The following TANC2 variants were observed in gnomAD, a reference collection of about 807,000 sequenced individuals.
TANC2 encodes the protein tetratricopeptide repeat, ankyrin repeat and coiled-coil containing 2.
In TANC2, 26 loss-of-function variants were observed where a neutral mutation model predicts 210.5. That is an observed-to-expected ratio of 0.12 (90% CI 0.09 to 0.17). The LOEUF is 0.17. TANC2 is among the 10% of genes least tolerant of loss of function. The pLI is 1.00. For synonymous variants in TANC2, 931 were observed against 967.1 expected (o/e 0.96, Z 0.69); for missense variants, 2,129 against 2,608.9 (o/e 0.82, Z 4.01).
At chr17:63,298,706 T>C (rs1028183201) in intron 9 of TANC2, among the ~76,000 whole-genome samples, 6 of 152,176 alleles carry the variant, frequency 3.9e-5, no homozygotes, top group African/African-American at 1.4e-4. Flanking sequence ...AAAAAACTTA[T>C]GTGAAGAATA....
At chr17:63,149,255 C>T (rs1023554300) in intron 4 of TANC2, 42 of 152,028 alleles carry the variant, frequency 2.8e-4, no homozygotes, top group African/African-American at 9.4e-4. Context: ...CCATATAGTC[C>T]ATACTCTCTT....
At chr17:63,237,686 C>T in intron 7 of TANC2, 128 bp from the exon 8 acceptor site, 4 of 920,050 alleles carry the variant, frequency 4.3e-6, no homozygotes, top group Non-Finnish European at 6.4e-6. Flanking sequence ...TATGGCAATC[C>T]AGTTTTTCTA....
chr17:63,411,724 A>G (rs1332948767), intron 22 of TANC2, 38 bp downstream of exon 22: 3 of 1,578,100 alleles, frequency 1.9e-6, no homozygotes, highest in African/African-American at 1.4e-5. Flanking sequence ...GAGCAGAGAG[A>G]GGGGCTATTC....
At chr17:63,351,218 A>G (rs974712013) in intron 12 of TANC2, 32 bp from the exon 13 acceptor site, 2 of 1,553,098 alleles carry the variant, frequency 1.3e-6, no homozygotes, top group African/African-American at 2.8e-5. Flanking sequence ...CCACTTGGTA[A>G]TTATTAAGTA....
intron 2 of TANC2, among the ~76,000 whole-genome samples, chr17:63,025,294 T>C (rs548700362): frequency 2.6e-5 from 4 of 152,278 alleles, no homozygotes; most frequent in African/African-American, 9.6e-5. Context: ...GATTCCCTAC[T>C]AGAGTGGCAC....
chr17:63,009,079 A>T (rs1385257767), intron 1 of TANC2, among the ~76,000 whole-genome samples: 1 of 152,092 alleles, frequency 6.6e-6, no homozygotes, highest in Non-Finnish European at 1.5e-5. Context: ...ACAGTTTTGT[A>T]CTATATATTT....
intron 2 of TANC2, among the ~76,000 whole-genome samples, chr17:63,010,185 CTT>C (rs2033802600): frequency 6.6e-6 from 1 of 151,912 alleles, no homozygotes; most frequent in Non-Finnish European, 1.5e-5. Flanking sequence ...GAGTGGTAGA[CTT>C]TTGTATTCTT....
intron 9 of TANC2, among the ~76,000 whole-genome samples, chr17:63,276,155 C>T (rs2043866922): frequency 6.6e-6 from 1 of 152,062 alleles, no homozygotes; most frequent in Non-Finnish European, 1.5e-5. Flanking sequence ...CCCAGATGCT[C>T]ATAAAATTAC....
chr17:62,996,999 T>TTTTTTTTTTTTTTTTTTTTTG (rs1241944607), intron 1 of TANC2, among the ~76,000 whole-genome samples: 2 of 144,236 alleles, frequency 1.4e-5, no homozygotes, highest in Admixed American at 6.9e-5. Flanking sequence ...ATTTTTAGTA[T>TTTTTTTTTTTTTTTTTTTTTG]AGATGGGGTT....
At chr17:63,051,195 A>G (rs1440015427) in intron 2 of TANC2, among the ~76,000 whole-genome samples, 1 of 152,214 alleles carries the variant, frequency 6.6e-6, no homozygotes, top group Non-Finnish European at 1.5e-5. Flanking sequence ...TATGCTTTTT[A>G]TGATTATGCC....
intron 7 of TANC2, among the ~76,000 whole-genome samples, chr17:63,220,509 C>T (rs112399010): frequency 0.025 from 3,712 of 151,276 alleles, 156 homozygotes; most frequent in African/African-American, 0.084. Context: ...CGAGACCAGC[C>T]TGGCCAGCAT....
intron 5 of TANC2, among the ~76,000 whole-genome samples, chr17:63,155,948 C>T (rs1057362904): frequency 2.0e-5 from 3 of 152,018 alleles, no homozygotes; most frequent in African/African-American, 7.2e-5. Flanking sequence ...CTGTCTTTTC[C>T]CAACTCCTGT....
Position 63,420,155 on chromosome 17 carries a change from G to A in TANC2, c.4425G>A (p.Leu1475=), listed in dbSNP as rs760725231. The A allele has an allele frequency of 1.3e-6, 2 of 1,561,708 alleles. No individual in the cohort carries two copies. Among genetic ancestry groups the A allele is most frequent in the Admixed American group, 1.9e-5 (1 of 51,776 alleles). ...CGCCACCGCAGCCTCAGCAGCAGTT[G>A]CCGGAAGAAGCAGAACCTGAGCCAC... The change falls in exon 28 of 28, where the codon TTG becomes TTA. Residue 1475 remains leucine, a synonymous_variant. Coordinates refer to ENST00000689528, the Ensembl canonical transcript of TANC2. This position sits in a 1 kb window ranked among gnomAD's most constrained non-coding sequence, Gnocchi z 4.2.
intron 3 of TANC2, among the ~76,000 whole-genome samples, chr17:63,096,827 C>A (rs1360307279): frequency 2.0e-5 from 3 of 152,124 alleles, no homozygotes; most frequent in African/African-American, 7.2e-5. Context: ...GAACCACCGT[C>A]TTACATTTCC....
chr17:63,148,221 TG>T (rs1370394634), intron 4 of TANC2: 3 of 152,346 alleles, frequency 2.0e-5, no homozygotes, highest in Admixed American at 2.0e-4. Flanking sequence ...CATGTTATGC[TG>T]TCTCTATAGT....
At chr17:63,169,877 A>G (rs969245702) in intron 5 of TANC2, among the ~76,000 whole-genome samples, 2 of 152,116 alleles carry the variant, frequency 1.3e-5, no homozygotes, top group South Asian at 4.1e-4. Flanking sequence ...CACGCCTGTA[A>G]TCCCAGCACT....
chr17:63,064,776 ATATT>A (rs1238716705), intron 2 of TANC2, among the ~76,000 whole-genome samples: 2 of 152,072 alleles, frequency 1.3e-5, no homozygotes, highest in African/African-American at 2.4e-5. Context: ...ATAAAAGTAT[ATATT>A]TATGACATAC....
intron 4 of TANC2, among the ~76,000 whole-genome samples, chr17:63,120,967 G>GT (rs1385565631): frequency 3.3e-5 from 5 of 151,988 alleles, no homozygotes; most frequent in African/African-American, 9.6e-5. Context: ...AAACTCTTAG[G>GT]TTTTTTCCCC....
chr17:63,261,706 C>T (rs1164734612), intron 8 of TANC2, among the ~76,000 whole-genome samples: 1 of 152,196 alleles, frequency 6.6e-6, no homozygotes, highest in African/African-American at 2.4e-5. Flanking sequence ...CTCCAGTAAC[C>T]TTAACAATTA....
Sources: allele counts gnomAD v4.1 joint callset (sites outside exome capture counted in the v4.1 genomes callset), GRCh38; gene constraint gnomAD v4.1.1; non-coding constraint Gnocchi (gnomAD v3.1); transcripts MANE v1.5; gene names NCBI Gene and HGNC (gene_info 2026-07-23, HGNC 2026-07-21).